Variants in TMEM178B observed in about 807,000 individuals in gnomAD.
TMEM178B encodes the protein transmembrane protein 178B.
A neutral mutation model predicts 31.0 loss-of-function variants in TMEM178B; 5 were observed. That is an observed-to-expected ratio of 0.16 (90% confidence interval 0.08 to 0.34). TMEM178B has a LOEUF of 0.34. Ranked by LOEUF, TMEM178B falls within the 10% of genes least tolerant of loss-of-function variation. The pLI is 1.00. For missense variants in TMEM178B, 275 were observed against 400.3 expected (o/e 0.69, Z 2.67); for synonymous variants, 164 against 164.0 (o/e 1.00, Z 0.00).
intron 1 of TMEM178B, among the ~76,000 whole-genome samples, chr7:141,195,359 CTAAGT>C (rs758693880): frequency 1.2e-4 from 18 of 152,196 alleles, no homozygotes; most frequent in Non-Finnish European, 2.1e-4. Context: ...ACCAGATACC[CTAAGT>C]TATCTTTCTC....
rs2085521947 is a variant in TMEM178B, at chr7:141,472,689, C to T, written c.*1903C>T. 1 of 152,256 alleles carries T rather than the reference C, an allele frequency of 6.6e-6. No homozygotes were observed. The highest frequency in any genetic ancestry group is 1.5e-5 in the Non-Finnish European group (1 of 68,050). The allele number at this position is 152,256 out of a possible 1,614,324, so 9.4% of individuals were successfully genotyped here. On this transcript the variant is annotated 3_prime_UTR_variant, in exon 4 of 4. Transcript: ENST00000565468. ...ACTGCTGTGTAATCTGTTTCATTTACACGTCTTCCAACCCATCTTCCTACC... is the reference window on the plus strand; with the variant it reads ...ACTGCTGTGTAATCTGTTTCATTTATACGTCTTCCAACCCATCTTCCTACC...
intron 2 of TMEM178B, among the ~76,000 whole-genome samples, chr7:141,310,249 C>G (rs1190387871): frequency 1.3e-5 from 2 of 151,886 alleles, no homozygotes; most frequent in Non-Finnish European, 2.9e-5. Context: ...AAAAACAGTC[C>G]TATTAAAAAG....
chr7:141,215,777 C>CCTTTCTTTCTTTCTTT (rs529722580), intron 2 of TMEM178B, among the ~76,000 whole-genome samples: 2 of 112,130 alleles, frequency 1.8e-5, no homozygotes, highest in South Asian at 3.2e-4. Context: ...TATATACTTT[C>CCTTTCTTTCTTTCTTT]CTTTCTTTCT....
At chr7:141,441,982 C>T (rs915142190) in intron 3 of TMEM178B, among the ~76,000 whole-genome samples, 19 of 152,192 alleles carry the variant, frequency 1.2e-4, no homozygotes, top group Non-Finnish European at 1.9e-4. Flanking sequence ...TTGGCAGGGC[C>T]TTCAGGGGAG....
chr7:141,409,108 G>A (rs963243161), intron 2 of TMEM178B, among the ~76,000 whole-genome samples: 5 of 152,186 alleles, frequency 3.3e-5, no homozygotes, highest in African/African-American at 1.2e-4. Flanking sequence ...GGAGTTCAAG[G>A]TGTGGAATAG....
At chr7:141,168,777 A>T (rs1388729821) in intron 1 of TMEM178B, among the ~76,000 whole-genome samples, 2 of 152,148 alleles carry the variant, frequency 1.3e-5, no homozygotes, top group South Asian at 4.2e-4. Flanking sequence ...CCCCCAAAAA[A>T]AAAGAAAAAA....
At chr7:141,187,449 A>C (rs1346425544) in intron 1 of TMEM178B, among the ~76,000 whole-genome samples, 2 of 152,138 alleles carry the variant, frequency 1.3e-5, no homozygotes, top group Non-Finnish European at 2.9e-5. Context: ...TCCTTTGGGT[A>C]TATACCCAGT....
At chr7:141,160,683 T>C (rs1480720355) in intron 1 of TMEM178B, among the ~76,000 whole-genome samples, 1 of 152,142 alleles carries the variant, frequency 6.6e-6, no homozygotes, top group Admixed American at 6.6e-5. Context: ...GGGCATATGT[T>C]CTGCACCGTT....
chr7:141,126,184 T>A lies in TMEM178B; in HGVS notation c.382+51492T>A, dbSNP rs1795492260. 3.3e-5 allele frequency among the ~76,000 whole-genome samples: 5 copies of A among 152,108 alleles called. No individual in the cohort carries two copies. The South Asian group carries it at 1.0e-3, about 32-fold the overall frequency. On this transcript the variant is annotated intron_variant, in intron 1 of 3. Coordinates refer to ENST00000565468, the MANE Select transcript of TMEM178B (RefSeq NM_001195278.2). ...GAAGAAGACATTATGGAGGAAAGGA[T>A]GCTGAGAGGACATTTGGTTTGCAGG... is the stretch of plus-strand genomic sequence containing the variant.
chr7:141,109,702 G>A (rs933983183), intron 1 of TMEM178B, among the ~76,000 whole-genome samples: 2 of 152,182 alleles, frequency 1.3e-5, no homozygotes, highest in African/African-American at 4.8e-5. Flanking sequence ...AAGTCCCATG[G>A]TGAAGGTAGT....
At position 141,130,347 on chromosome 7, in the gene TMEM178B, C is replaced by T. The variant is rs368673460; in HGVS notation, c.382+55655C>T. Among the ~76,000 whole-genome samples, 8 of 152,274 alleles carry T rather than the reference C, an allele frequency of 5.3e-5. No homozygotes were observed. In the East Asian group the frequency reaches 5.8e-4, roughly 11 times the overall value. ...AGAATTTACGGTTTGTAGGGCATGA[C>T]TCCCCAGACCCCTTAGATAGGAATT... On this transcript the variant is annotated intron_variant, in intron 1 of 3. Transcript: ENST00000565468.
chr7:141,239,388 C>G (rs1454623947), intron 2 of TMEM178B, among the ~76,000 whole-genome samples: 1 of 152,124 alleles, frequency 6.6e-6, no homozygotes, highest in Non-Finnish European at 1.5e-5. Context: ...ACGTCTCAGT[C>G]ATTTGGACCT....
In TMEM178B at chr7:141,294,824, C is replaced by G. The variant is rs1042612819; in HGVS notation, c.496+82120C>G. On this transcript the variant is annotated intron_variant, in intron 2 of 3. Coordinates refer to ENST00000565468, the MANE Select transcript of TMEM178B (RefSeq NM_001195278.2). ...TCTCATATAGAATATAATAGAGAAT[C>G]TCTTGTAGAAGCCCCTGCCTTTTCC... Among the ~76,000 whole-genome samples, 4 of 152,194 alleles carry G rather than the reference C, an allele frequency of 2.6e-5. No individual in the cohort carries two copies. The East Asian group carries it at 7.7e-4, about 29-fold the overall frequency.
intron 1 of TMEM178B, among the ~76,000 whole-genome samples, chr7:141,127,525 C>T (rs1354397632): frequency 3.3e-5 from 5 of 152,096 alleles, no homozygotes; most frequent in Non-Finnish European, 1.5e-5. Context: ...AATATGTAGG[C>T]AGAGATTGGG....
chr7:141,422,958 C>T lies in TMEM178B; in HGVS notation c.497-14650C>T, dbSNP rs536999273. ...GAACAGTGCTGTCCCATGGAAATAT[C>T]GTGCAAACCGCATGTGTAACTTAAA... On this transcript the variant is annotated intron_variant, in intron 2 of 3. Coordinates refer to ENST00000565468, the MANE Select transcript of TMEM178B (RefSeq NM_001195278.2). This position sits in a 1 kb window ranked among gnomAD's most constrained non-coding sequence, Gnocchi z 4.2. Among the ~76,000 whole-genome samples, 4 of 152,286 alleles carry T rather than the reference C, an allele frequency of 2.6e-5. No individual in the cohort carries two copies. Among genetic ancestry groups the T allele is most frequent in the South Asian group, 2.1e-4 (1 of 4,814 alleles).
intron 1 of TMEM178B, among the ~76,000 whole-genome samples, chr7:141,092,117 T>C (rs1377433672): frequency 6.6e-6 from 1 of 152,204 alleles, no homozygotes; most frequent in Non-Finnish European, 1.5e-5. Flanking sequence ...CTTCTGTTAA[T>C]GGAAGAATTC....
At chr7:141,466,593 T>G (rs910762139) in intron 3 of TMEM178B, among the ~76,000 whole-genome samples, 1 of 152,174 alleles carries the variant, frequency 6.6e-6, no homozygotes, top group Non-Finnish European at 1.5e-5. Flanking sequence ...AAGAAATTTC[T>G]CCATTTCTTT....
In TMEM178B at chr7:141,475,980, G is replaced by A. The variant is rs958903398; in HGVS notation, c.*5194G>A. 6.6e-6 allele frequency: 1 copy of A among 152,112 alleles called. No individual in the cohort carries two copies. Among genetic ancestry groups the A allele is most frequent in the Non-Finnish European group, 1.5e-5 (1 of 68,020 alleles). The allele number at this position is 152,112 out of a possible 1,614,324, so 9.4% of individuals were successfully genotyped here. A position where few individuals can be genotyped will look rare whatever the true frequency, so the allele number is the denominator to read the frequency against. On this transcript the variant is annotated 3_prime_UTR_variant, in exon 4 of 4. Coordinates refer to ENST00000565468, the MANE Select transcript of TMEM178B (RefSeq NM_001195278.2). ...TTGAACTTCCTCATCTACAAAATGA[G>A]GATAAGTGATAACACCTTACCTCAT...
chr7:141,271,519 G>A (rs1056240388), intron 2 of TMEM178B, among the ~76,000 whole-genome samples: 1 of 152,142 alleles, frequency 6.6e-6, no homozygotes, highest in Non-Finnish European at 1.5e-5. Flanking sequence ...GAGTCTGCTG[G>A]TATTGATCGT....
Sources: gnomAD v4.1 joint callset for allele counts (sites outside exome capture counted in the v4.1 genomes callset) on GRCh38, gnomAD v4.1.1 for gene constraint, Gnocchi (gnomAD v3.1) non-coding constraint, MANE v1.5 for transcripts, NCBI Gene and HGNC (gene_info 2026-07-23, HGNC 2026-07-21) for gene names.